The following ZC3H11A variants were observed in gnomAD, a reference collection of about 807,000 sequenced individuals.
ZC3H11A encodes zinc finger CCCH domain-containing protein 11A.
In ZC3H11A, 22 loss-of-function variants were observed where a neutral mutation model predicts 90.8. The observed-to-expected ratio is 0.24, with a 90% confidence interval of 0.17 to 0.35. The LOEUF is 0.35. Among genes scored for constraint, ZC3H11A ranks in the 10% least tolerant of loss-of-function variants. ZC3H11A has a pLI of 1.00. For missense variants in ZC3H11A, 701 were observed against 964.9 expected (o/e 0.73, Z 3.62); for synonymous variants, 294 against 339.8 (o/e 0.87, Z 1.48).
At chr1:203,833,120 G>A (rs986480303) in intron 9 of ZC3H11A, among the ~76,000 whole-genome samples, 3 of 151,094 alleles carry the variant, frequency 2.0e-5, no homozygotes, top group South Asian at 2.1e-4. Flanking sequence ...CTGTAATCCC[G>A]GCACTTTGGG....
Position 203,846,210 on chromosome 1 carries a change from GTA to G in ZC3H11A, c.1043-972_1043-971del, listed in dbSNP as rs528082942. ...TTATTCAGTGATTACATATATATGTGTATGATCTCCAAATTATCATTTATTTC... is the reference window on the plus strand; with the variant it reads ...TTATTCAGTGATTACATATATATGTGTGATCTCCAAATTATCATTTATTTC... On this transcript the variant is annotated intron_variant, in intron 12 of 17. Transcript: ENST00000367210. Among the ~76,000 whole-genome samples the G allele has an allele frequency of 6.8e-5, 10 of 147,502 alleles. No homozygotes were observed. The South Asian group carries it at 2.2e-3, about 32-fold the overall frequency.
At chr1:203,840,234 C>T in intron 11 of ZC3H11A, 72 bp from the exon 12 acceptor site, 1 of 1,482,474 alleles carries the variant, frequency 6.7e-7, no homozygotes, top group Non-Finnish European at 9.4e-7. Flanking sequence ...CCACCATGCC[C>T]AGCAAACCTG....
In ZC3H11A at chr1:203,801,890, C is replaced by A. The variant is rs928186294; in HGVS notation, c.-1272C>A. ...TGAAATCTCAACTCCAAAAGTTTAC[C>A]CTTTTACTAACTGGAGTAAATGTAT... On this transcript the variant is annotated 5_prime_UTR_variant, in exon 2 of 18. Coordinates refer to ENST00000367210, the MANE Select transcript of ZC3H11A (RefSeq NM_001376342.1). The A allele has an allele frequency of 2.6e-5, 4 of 151,962 alleles. No individual in the cohort carries two copies. Among genetic ancestry groups the A allele is most frequent in the African/African-American group, 7.3e-5 (3 of 41,220 alleles). The allele number at this position is 151,962 out of a possible 1,614,324, so 9.4% of individuals were successfully genotyped here.
intron 11 of ZC3H11A, 86 bp downstream of exon 11, chr1:203,838,150 T>G: frequency 8.1e-7 from 1 of 1,232,346 alleles, no homozygotes; most frequent in South Asian, 1.4e-5. Context: ...TTTTCATTCT[T>G]TTGTTCAGGT....
rs1356246445 is a variant in ZC3H11A at position 203,801,991 on chromosome 1, G to A, written c.-1171G>A. 2 of 152,522 alleles carry A rather than the reference G, an allele frequency of 1.3e-5. No individual in the cohort carries two copies. Among genetic ancestry groups the A allele is most frequent in the African/African-American group, 4.8e-5 (2 of 41,430 alleles). The allele number at this position is 152,522 out of a possible 1,614,324, so 9.4% of individuals were successfully genotyped here. On this transcript the variant is annotated 5_prime_UTR_variant, in exon 2 of 18. Coordinates refer to ENST00000367210, the MANE Select transcript of ZC3H11A (RefSeq NM_001376342.1). ...GGCTGCGTAAGCAAGCCTTTCCAGG[G>A]CCACTATTTAATGGCAAACCAGTGA...
At chr1:203,796,380 C>A (rs948127850) in intron 1 of ZC3H11A, 2 of 398,972 alleles carry the variant, frequency 5.0e-6, no homozygotes, top group South Asian at 1.3e-4. Context: ...TCCCCACTCT[C>A]ATTACACTCC....
At chr1:203,796,799 T>A (rs1239606369) in intron 1 of ZC3H11A, 1 of 212,026 alleles carries the variant, frequency 4.7e-6, no homozygotes, top group Admixed American at 5.9e-5. Context: ...ACTTTGAAAA[T>A]GCAGCATTTA....
At chr1:203,803,235 A>G (rs998380084) in intron 2 of ZC3H11A, among the ~76,000 whole-genome samples, 1 of 151,844 alleles carries the variant, frequency 6.6e-6, no homozygotes, top group East Asian at 1.9e-4. Context: ...CTTGTCCCCT[A>G]GGCTGGAGTG....
At chr1:203,821,905 C>T (rs1396980618) in intron 4 of ZC3H11A, among the ~76,000 whole-genome samples, 1 of 151,922 alleles carries the variant, frequency 6.6e-6, no homozygotes, top group Non-Finnish European at 1.5e-5. Flanking sequence ...TTACAGGTGC[C>T]CGCCACCACG....
intron 4 of ZC3H11A, among the ~76,000 whole-genome samples, chr1:203,825,159 A>G (rs543071462): frequency 5.8e-4 from 88 of 151,964 alleles, no homozygotes; most frequent in Non-Finnish European, 8.2e-4. Context: ...CTTGCGTTTC[A>G]TATTAATGAA....
intron 4 of ZC3H11A, among the ~76,000 whole-genome samples, chr1:203,818,938 A>G (rs1176203635): frequency 1.3e-5 from 2 of 151,356 alleles, no homozygotes; most frequent in Non-Finnish European, 2.9e-5. Context: ...GTGTGGTGGC[A>G]TGTGCCTGTA....
At chr1:203,808,037 T>A (rs991168855) in intron 2 of ZC3H11A, among the ~76,000 whole-genome samples, 4 of 152,120 alleles carry the variant, frequency 2.6e-5, no homozygotes, top group African/African-American at 9.7e-5. Flanking sequence ...CCACCATGCC[T>A]GGCCTGTTTT....
chr1:203,798,814 C>G (rs1352403157), intron 1 of ZC3H11A: 1 of 1,536,124 alleles, frequency 6.5e-7, no homozygotes, highest in Admixed American at 2.0e-5. Context: ...TTCTCAACCC[C>G]AGCCTTTCAG....
chr1:203,818,330 CTT>C (rs2102794812), intron 3 of ZC3H11A, among the ~76,000 whole-genome samples: 1 of 152,180 alleles, frequency 6.6e-6, no homozygotes, highest in African/African-American at 2.4e-5. Flanking sequence ...TTTTTCAACT[CTT>C]TTTTTCAGCT....
rs140362044 is a variant in ZC3H11A at position 203,817,897 on chromosome 1, C to T, written c.55-673C>T. Among the ~76,000 whole-genome samples, 815 of 152,046 alleles carry T rather than the reference C, an allele frequency of 5.4e-3. 10 individuals carry two copies. The highest frequency in any genetic ancestry group is 0.018 in the African/African-American group (756 of 41,516). Reference sequence around the variant, plus strand: ...CCTCCCAAGTAGCTGGGATTTCTGGCGCCTGCCACCACACCCAGCTAACTG... The same window carrying T: ...CCTCCCAAGTAGCTGGGATTTCTGGTGCCTGCCACCACACCCAGCTAACTG... On this transcript the variant is annotated intron_variant, in intron 3 of 17. Coordinates refer to ENST00000367210, the MANE Select transcript of ZC3H11A (RefSeq NM_001376342.1).
At chr1:203,809,310 G>A (rs1194125785) in intron 2 of ZC3H11A, among the ~76,000 whole-genome samples, 1 of 151,308 alleles carries the variant, frequency 6.6e-6, no homozygotes, top group Non-Finnish European at 1.5e-5. Flanking sequence ...CGAGTAACTG[G>A]GACAACAGGC....
Position 203,802,503 on chromosome 1 carries a change from A to G in ZC3H11A, c.-659A>G, listed in dbSNP as rs1188724656. 3 of 152,532 alleles carry G rather than the reference A, an allele frequency of 2.0e-5. No individual in the cohort carries two copies. Among genetic ancestry groups the G allele is most frequent in the African/African-American group, 4.8e-5 (2 of 41,444 alleles). 9.4% of individuals were successfully genotyped at this position (152,532 alleles called of 1,614,324 possible). On this transcript the variant is annotated 5_prime_UTR_variant, in exon 2 of 18. Transcript: ENST00000367210. ...TATACATAAAACACTATATTTTTACATACAAGTATGCTTTTATTATACAGA... is the reference window on the plus strand; with the variant it reads ...TATACATAAAACACTATATTTTTACGTACAAGTATGCTTTTATTATACAGA...
intron 3 of ZC3H11A, 147 bp downstream of exon 3, chr1:203,817,271 G>T: frequency 3.5e-6 from 2 of 567,354 alleles, no homozygotes; most frequent in Non-Finnish European, 3.0e-6. Context: ...AAAGGATAAT[G>T]TATTTAGGGT....
intron 1 of ZC3H11A, chr1:203,796,774 C>G (rs1473709191): frequency 3.9e-6 from 1 of 257,904 alleles, no homozygotes; most frequent in Non-Finnish European, 7.3e-6. Context: ...TGAATTAACT[C>G]TTAATACAAA....
Sources: allele counts gnomAD v4.1 joint callset (sites outside exome capture counted in the v4.1 genomes callset), GRCh38; gene constraint gnomAD v4.1.1; transcripts MANE v1.5; gene names NCBI Gene and HGNC (gene_info 2026-07-23, HGNC 2026-07-21).